Variants in WWOX observed in about 807,000 individuals in gnomAD.
WWOX encodes WW domain containing oxidoreductase.
A neutral mutation model predicts 46.2 loss-of-function variants in WWOX; 69 were observed. The ratio of observed to expected loss-of-function variants is 1.49; its 90% confidence interval spans 1.23 to 1.82. WWOX has a LOEUF of 1.82. WWOX is among the 40% of genes most tolerant of loss of function. WWOX has a pLI of 0.00. For missense variants in WWOX, 919 were observed against 542.6 expected (o/e 1.69, Z -6.89); for synonymous variants, 359 against 202.6 (o/e 1.77, Z -6.56).
chr16:78,521,133 C>T (rs1163200718), intron 8 of WWOX, among the ~76,000 whole-genome samples: 1 of 152,190 alleles, frequency 6.6e-6, no homozygotes, highest in Non-Finnish European at 1.5e-5. Context: ...TGACAGCTGT[C>T]TTATATAACT....
At chr16:79,190,321 G>A (rs952101184) in intron 8 of WWOX, among the ~76,000 whole-genome samples, 7 of 152,154 alleles carry the variant, frequency 4.6e-5, no homozygotes, top group Admixed American at 2.6e-4. Context: ...CACCGTGCCC[G>A]GCCTCATATC....
chr16:78,963,282 A>C (rs1189821009), intron 8 of WWOX, among the ~76,000 whole-genome samples: 1 of 152,124 alleles, frequency 6.6e-6, no homozygotes, highest in East Asian at 1.9e-4. Flanking sequence ...CAGTCTGGGC[A>C]ACATAGTGAG....
chr16:79,129,931 G>C (rs978516968), intron 8 of WWOX, among the ~76,000 whole-genome samples: 1 of 152,122 alleles, frequency 6.6e-6, no homozygotes, highest in East Asian at 1.9e-4. Context: ...ATCTTTGGTA[G>C]GTCCCTTTAC....
chr16:78,169,589 G>GT (rs2035085922), intron 5 of WWOX, among the ~76,000 whole-genome samples: 2 of 139,246 alleles, frequency 1.4e-5, no homozygotes, highest in African/African-American at 5.3e-5. Context: ...AAAGACCCCA[G>GT]TGGGGCTCTG....
intron 8 of WWOX, among the ~76,000 whole-genome samples, chr16:78,446,404 G>A (rs754965167): frequency 6.6e-6 from 1 of 152,120 alleles, no homozygotes; most frequent in African/African-American, 2.4e-5. Context: ...GCTTTGACAC[G>A]AGATGTTGCC....
In WWOX at chr16:78,442,028, TGAG is replaced by T. The variant is rs553318253; in HGVS notation, c.1056+9281_1056+9283del. On this transcript the variant is annotated intron_variant, in intron 8 of 8. Transcript: ENST00000566780. ...GGCTCTTGCCTATAATCCTAACAGT[TGAG>T]GAGGCCAAGCTGGGAGGATGACTTG... is the stretch of plus-strand genomic sequence containing the variant. Among the ~76,000 whole-genome samples, 400 of 151,106 alleles carry T rather than the reference TGAG, an allele frequency of 2.6e-3. 3 individuals are homozygous for T. Among genetic ancestry groups the T allele is most frequent in the Middle Eastern group, 6.8e-3 (2 of 294 alleles).
At chr16:78,482,324 C>T (rs950686780) in intron 8 of WWOX, among the ~76,000 whole-genome samples, 3 of 152,096 alleles carry the variant, frequency 2.0e-5, no homozygotes, top group African/African-American at 4.8e-5. Context: ...CAACCTCTGT[C>T]GATTCTCCTT....
At chr16:78,982,441 G>T (rs761776107) in intron 8 of WWOX, among the ~76,000 whole-genome samples, 2 of 152,156 alleles carry the variant, frequency 1.3e-5, no homozygotes, top group Admixed American at 1.3e-4. Flanking sequence ...GTGAAATGTC[G>T]ACTGCATTCA....
chr16:78,263,996 C>CTTTTTGTTTTTTT (rs2079304819), intron 5 of WWOX, among the ~76,000 whole-genome samples: 1 of 78,816 alleles, frequency 1.3e-5, no homozygotes, highest in African/African-American at 6.1e-5. Flanking sequence ...GCTGTGAAAT[C>CTTTTTGTTTTTTT]TTTTTTTTTT....
At chr16:79,146,293 T>C (rs947611924) in intron 8 of WWOX, among the ~76,000 whole-genome samples, 9 of 152,186 alleles carry the variant, frequency 5.9e-5, no homozygotes, top group Non-Finnish European at 1.2e-4. Context: ...AGCCTGACCC[T>C]GAAGGTATTC....
chr16:78,496,792 G>A (rs1288847113), intron 8 of WWOX, among the ~76,000 whole-genome samples: 5 of 152,200 alleles, frequency 3.3e-5, no homozygotes, highest in African/African-American at 1.2e-4. Flanking sequence ...GAAGTGCATT[G>A]AGGAAGAGGC....
chr16:78,504,906 T>G (rs1192476975), intron 8 of WWOX, among the ~76,000 whole-genome samples: 2 of 152,102 alleles, frequency 1.3e-5, no homozygotes, highest in African/African-American at 4.8e-5. Flanking sequence ...CCCACATTAA[T>G]TAATATAAAT....
chr16:78,816,150 T>C (rs985673633), intron 8 of WWOX, among the ~76,000 whole-genome samples: 5 of 152,222 alleles, frequency 3.3e-5, no homozygotes, highest in Admixed American at 1.3e-4. Flanking sequence ...ATCTGTTGTT[T>C]AAACTAAATC....
At chr16:79,114,686 G>A (rs1038304333) in intron 8 of WWOX, among the ~76,000 whole-genome samples, 4 of 152,112 alleles carry the variant, frequency 2.6e-5, no homozygotes, top group Non-Finnish European at 5.9e-5. Context: ...CTAGTTTGTG[G>A]CACTTTGTTA....
intron 8 of WWOX, chr16:79,078,273 C>G (rs969720366): frequency 6.6e-6 from 1 of 152,234 alleles, no homozygotes; most frequent in East Asian, 1.9e-4. Flanking sequence ...GGTGACACAA[C>G]TCTTCCTTGA....
rs2049248621 is a variant in WWOX at position 79,103,674 on chromosome 16, G to A, written c.1057-107934G>A. On this transcript the variant is annotated intron_variant, in intron 8 of 8. Coordinates refer to ENST00000566780, the MANE Select transcript of WWOX (RefSeq NM_016373.4). Reference sequence around the variant, plus strand: ...ATTTAAAATGACCTATCCAGTCCATGCATATTAGCTATTCATAAAGGGTTT... The same window carrying A: ...ATTTAAAATGACCTATCCAGTCCATACATATTAGCTATTCATAAAGGGTTT... 3.3e-5 allele frequency among the ~76,000 whole-genome samples: 5 copies of A among 152,146 alleles called. No individual in the cohort carries two copies. In the South Asian group the frequency reaches 1.0e-3, roughly 32 times the overall value.
At chr16:78,453,657 C>A (rs928003852) in intron 8 of WWOX, among the ~76,000 whole-genome samples, 2 of 151,738 alleles carry the variant, frequency 1.3e-5, no homozygotes, top group Admixed American at 6.6e-5. Context: ...TTTTTTTTTA[C>A]TCTGTTTATG....
intron 8 of WWOX, among the ~76,000 whole-genome samples, chr16:78,586,682 G>A (rs1211052023): frequency 1.3e-5 from 2 of 152,170 alleles, no homozygotes; most frequent in Non-Finnish European, 2.9e-5. Flanking sequence ...GTAGGATTTT[G>A]CTAAATCTTT....
intron 8 of WWOX, among the ~76,000 whole-genome samples, chr16:78,626,715 C>T (rs540943754): frequency 6.6e-6 from 1 of 152,238 alleles, no homozygotes; most frequent in Admixed American, 6.5e-5. Flanking sequence ...ATTTAATGTT[C>T]TCACTCTTCG....
Sources: gnomAD v4.1 joint callset for allele counts (sites outside exome capture counted in the v4.1 genomes callset) on GRCh38, gnomAD v4.1.1 for gene constraint, MANE v1.5 for transcripts, NCBI Gene and HGNC (gene_info 2026-07-23, HGNC 2026-07-21) for gene names.